The following SOCS6 variants were observed in gnomAD, a reference collection of about 807,000 sequenced individuals.
SOCS6 encodes the protein suppressor of cytokine signaling 6.
In SOCS6, 5 loss-of-function variants were observed where a neutral mutation model predicts 27.7. The observed-to-expected ratio is 0.18, with a 90% CI of 0.09 to 0.38. The LOEUF (loss-of-function observed/expected upper bound fraction) is 0.38, where lower values mean the gene tolerates loss of function less well. Among genes scored for constraint, SOCS6 ranks in the 10% least tolerant of loss-of-function variants. The pLI is 1.00. For missense variants in SOCS6, 595 were observed against 688.1 expected, an observed-to-expected ratio of 0.86 and a Z score of 1.51; for synonymous variants, 271 against 260.0, an observed-to-expected ratio of 1.04 and a Z score of -0.41.
At chr18:70,310,841 T>C (rs1202573917) in intron 1 of SOCS6, among the ~76,000 whole-genome samples, 1 of 152,224 alleles carries the variant, frequency 6.6e-6, no homozygotes, top group Non-Finnish European at 1.5e-5. Context: ...TTCTGAATTA[T>C]GCACCAAGGG....
intron 1 of SOCS6, among the ~76,000 whole-genome samples, chr18:70,321,116 T>G (rs1012106345): frequency 6.6e-6 from 1 of 151,530 alleles, no homozygotes; most frequent in Non-Finnish European, 1.5e-5. Context: ...CTACAAAAAG[T>G]AGACAAAATT....
intron 1 of SOCS6, among the ~76,000 whole-genome samples, chr18:70,301,231 T>C (rs2062346939): frequency 6.6e-6 from 1 of 152,144 alleles, no homozygotes; most frequent in African/African-American, 2.4e-5. Flanking sequence ...TGCTGAGACA[T>C]GTTGAGAATA....
At chr18:70,296,119 A>T (rs1385045776) in intron 1 of SOCS6, among the ~76,000 whole-genome samples, 2 of 152,148 alleles carry the variant, frequency 1.3e-5, no homozygotes, top group East Asian at 3.9e-4. Context: ...TCAGTTCCTT[A>T]GTTTACCGCC....
chr18:70,315,503 A>G (rs964438609), intron 1 of SOCS6, among the ~76,000 whole-genome samples: 1 of 152,180 alleles, frequency 6.6e-6, no homozygotes, highest in African/African-American at 2.4e-5. Context: ...TTGATTCCTC[A>G]TGCATGTGTG....
intron 1 of SOCS6, among the ~76,000 whole-genome samples, chr18:70,308,490 G>A (rs549907114): frequency 6.6e-6 from 1 of 152,196 alleles, no homozygotes; most frequent in African/African-American, 2.4e-5. Context: ...CCAAAATTCT[G>A]GGATTACAGG....
chr18:70,313,738 G>A (rs138045489), intron 1 of SOCS6, among the ~76,000 whole-genome samples: 3 of 152,054 alleles, frequency 2.0e-5, no homozygotes, highest in Admixed American at 6.6e-5. Context: ...CTCCTCTAGC[G>A]TTAAGCTGTT....
intron 1 of SOCS6, among the ~76,000 whole-genome samples, chr18:70,314,725 G>A (rs2062404680): frequency 6.6e-6 from 1 of 151,986 alleles, no homozygotes; most frequent in Non-Finnish European, 1.5e-5. Context: ...GGATAATTTT[G>A]TCCTCTCCTT....
intron 1 of SOCS6, among the ~76,000 whole-genome samples, chr18:70,294,324 A>G (rs1407542474): frequency 6.6e-6 from 1 of 152,004 alleles, no homozygotes. Flanking sequence ...GCCACTGAGT[A>G]GGAGTCCGTT....
At chr18:70,318,484 T>G (rs1910851751) in intron 1 of SOCS6, among the ~76,000 whole-genome samples, 1 of 152,106 alleles carries the variant, frequency 6.6e-6, no homozygotes. Flanking sequence ...GCTGGTAGCA[T>G]AAGAAAATCG....
Position 70,330,060 on chromosome 18 carries a change from A to G in SOCS6, c.*3784A>G, listed in dbSNP as rs1259534031. ...AGAACACCACAGAATGAATTATCCA[A>G]AGTCCATTGATTTTAATACGTGTTT... is the stretch of plus-strand genomic sequence containing the variant. On this transcript the variant is annotated 3_prime_UTR_variant, in exon 2 of 2. Coordinates refer to ENST00000397942, the MANE Select transcript of SOCS6 (RefSeq NM_004232.4). The G allele has an allele frequency of 6.0e-6, 1 of 167,104 alleles. No homozygotes were observed. The highest frequency in any genetic ancestry group is 1.5e-5 in the Non-Finnish European group (1 of 68,118). 10.4% of individuals were successfully genotyped at this position (167,104 alleles called of 1,614,324 possible). A position where few individuals can be genotyped will look rare whatever the true frequency, so the allele number is the denominator to read the frequency against.
intron 1 of SOCS6, among the ~76,000 whole-genome samples, chr18:70,324,250 C>T (rs1911099315): frequency 1.3e-5 from 2 of 151,512 alleles, no homozygotes; most frequent in African/African-American, 4.9e-5. Flanking sequence ...TGCAGTGAGC[C>T]GAGATCACGC....
At chr18:70,295,552 C>T (rs1289486634) in intron 1 of SOCS6, among the ~76,000 whole-genome samples, 1 of 152,152 alleles carries the variant, frequency 6.6e-6, no homozygotes, top group African/African-American at 2.4e-5. Context: ...TACCATCCCT[C>T]AGACAATAGT....
chr18:70,318,181 T>A (rs1267687022), intron 1 of SOCS6, among the ~76,000 whole-genome samples: 1 of 152,096 alleles, frequency 6.6e-6, no homozygotes, highest in African/African-American at 2.4e-5. Flanking sequence ...AGTTTTTTTT[T>A]AAAGGAATGT....
intron 1 of SOCS6, among the ~76,000 whole-genome samples, chr18:70,309,535 C>G (rs1334330668): frequency 6.6e-6 from 1 of 152,058 alleles, no homozygotes; most frequent in East Asian, 1.9e-4. Flanking sequence ...ATAATATTGT[C>G]TAAGTAATTT....
At position 70,325,685 on chromosome 18, in the gene SOCS6, T is replaced by G. The variant is rs747235348; in HGVS notation, c.1017T>G (p.Ser339Arg). 64 of 1,614,172 alleles carry G rather than the reference T, an allele frequency of 4.0e-5. No homozygotes were observed. The highest frequency in any genetic ancestry group is 5.3e-5 in the Non-Finnish European group (63 of 1,180,028). The change falls in exon 2 of 2, where the codon AGT (serine) becomes AGG (arginine). Residue 339 changes from serine to arginine, a missense_variant. Physicochemically the swap from Ser to Arg is moderately radical, Grantham distance 110. Transcript: ENST00000397942. This position sits in a 1 kb window ranked among gnomAD's most constrained non-coding sequence, Gnocchi z 6.3. ...GCACAGAAGCCCACGTGGCTGAAAG[T>G]ATGCGCTGTCATTTGAATTTTGATC... ...LTGTEAHVAE[S>R]MRCHLNFDPN...
At chr18:70,321,141 G>A (rs1910969307) in intron 1 of SOCS6, among the ~76,000 whole-genome samples, 1 of 151,666 alleles carries the variant, frequency 6.6e-6, no homozygotes, top group Non-Finnish European at 1.5e-5. Context: ...AGGCGTGGTG[G>A]TGCGTGCCTA....
chr18:70,312,092 G>A (rs2062392920), intron 1 of SOCS6, among the ~76,000 whole-genome samples: 1 of 152,158 alleles, frequency 6.6e-6, no homozygotes, highest in South Asian at 2.1e-4. Flanking sequence ...ATATATTAAT[G>A]CATTTAAACC....
chr18:70,310,603 C>T (rs1472162756), intron 1 of SOCS6, among the ~76,000 whole-genome samples: 1 of 151,800 alleles, frequency 6.6e-6, no homozygotes, highest in South Asian at 2.1e-4. Flanking sequence ...CCACCAAGCC[C>T]GGCCAACCAC....
intron 1 of SOCS6, chr18:70,314,202 G>A (rs1007477481): frequency 5.3e-5 from 8 of 152,230 alleles, no homozygotes; most frequent in African/African-American, 1.7e-4. Flanking sequence ...GTTGCAGTGA[G>A]CTGAGATGGC....
Sources: allele counts gnomAD v4.1 joint callset (sites outside exome capture counted in the v4.1 genomes callset), GRCh38; gene constraint gnomAD v4.1.1; non-coding constraint Gnocchi (gnomAD v3.1); transcripts MANE v1.5; gene names NCBI Gene and HGNC (gene_info 2026-07-23, HGNC 2026-07-21).